AGL: variants seen among roughly 807,000 people sequenced by gnomAD.
AGL encodes amylo-alpha-1,6-glucosidase and 4-alpha-glucanotransferase, also known as glycogen debranching enzyme.
A neutral mutation model predicts 199.3 loss-of-function variants in AGL; 128 were observed. The observed-to-expected ratio is 0.64, with a 90% CI of 0.56 to 0.74. The LOEUF (loss-of-function observed/expected upper bound fraction) is 0.74. AGL is among the 30% of genes least tolerant of loss of function. The pLI is 0.00. For synonymous variants in AGL, 584 were observed against 594.7 expected (o/e 0.98, Z 0.26); for missense variants, 1,809 against 1,820.8 (o/e 0.99, Z 0.12).
chr1:99,851,173 T>A (rs768864238), intron 2 of AGL, 49 bp downstream of exon 2: 1 of 1,456,652 alleles, frequency 6.9e-7, no homozygotes, highest in Non-Finnish European at 9.6e-7. Flanking sequence ...TTTAAACTTT[T>A]AATTCATTGG....
At chr1:99,900,535 G>GA (rs1399407394) in intron 25 of AGL, 101 bp from the exon 26 acceptor site, 2 of 1,069,662 alleles carry the variant, frequency 1.9e-6, no homozygotes, top group African/African-American at 3.1e-5. Flanking sequence ...GGGCAAGAGA[G>GA]AAAACGCATT....
At chr1:99,869,443 A>G (rs758093080) in intron 5 of AGL, among the ~76,000 whole-genome samples, 57 of 152,332 alleles carry the variant, frequency 3.7e-4, no homozygotes, top group Non-Finnish European at 6.8e-4. Context: ...TAAATGAAGC[A>G]CAAACAATTC....
At chr1:99,878,053 TTTTAA>T (rs1413976622) in intron 12 of AGL, among the ~76,000 whole-genome samples, 3 of 152,230 alleles carry the variant, frequency 2.0e-5, no homozygotes, top group Non-Finnish European at 4.4e-5. Context: ...AATTTTAAAA[TTTTAA>T]TTTAGGGAAG....
intron 2 of AGL, among the ~76,000 whole-genome samples, chr1:99,859,412 G>A (rs869278594): frequency 1.4e-3 from 17 of 12,254 alleles, no homozygotes; most frequent in Admixed American, 7.9e-3. Flanking sequence ...CCTTTTTCCC[G>A]TTTGTAGTAG....
Position 99,907,693 on chromosome 1 carries a change from G to GTTTTTTTTTTTTTTTTTTTT in AGL, c.3701-3011_3701-3010insTTTTTTTTTTTTTTTTTTTT, listed in dbSNP as rs71075465. Reference sequence around the variant, plus strand: ...TTTTGTTCGTTTGTTTTTGTTTTTTGTTTTTTTTGCTAGTAGCCATCCTAA... The same window carrying GTTTTTTTTTTTTTTTTTTTT: ...TTTTGTTCGTTTGTTTTTGTTTTTTGTTTTTTTTTTTTTTTTTTTTTTTTTTTTGCTAGTAGCCATCCTAA... On this transcript the variant is annotated intron_variant, in intron 27 of 33. Transcript: ENST00000361915. Among the ~76,000 whole-genome samples the GTTTTTTTTTTTTTTTTTTTT allele has an allele frequency of 6.3e-4, 75 of 118,936 alleles. 7 individuals are homozygous for GTTTTTTTTTTTTTTTTTTTT. Among genetic ancestry groups the GTTTTTTTTTTTTTTTTTTTT allele is most frequent in the East Asian group, 1.4e-3 (5 of 3,680 alleles). 78.0% of individuals were successfully genotyped at this position (118,936 alleles called of 152,430 possible).
At chr1:99,878,294 G>A (rs1192519062) in intron 12 of AGL, among the ~76,000 whole-genome samples, 6 of 151,182 alleles carry the variant, frequency 4.0e-5, no homozygotes, top group Non-Finnish European at 7.4e-5. Context: ...GCAGTGAGCC[G>A]AGATCACACC....
intron 29 of AGL, among the ~76,000 whole-genome samples, chr1:99,913,210 GACGC>G (rs1483726532): frequency 2.9e-4 from 44 of 151,052 alleles, no homozygotes; most frequent in Admixed American, 1.6e-3. Flanking sequence ...GACAATACCA[GACGC>G]TGTCTTAAAA....
At chr1:99,916,523 T>C (rs749152124) in intron 32 of AGL, 26 bp downstream of exon 32, 2 of 1,605,758 alleles carry the variant, frequency 1.2e-6, no homozygotes, top group South Asian at 2.2e-5. Flanking sequence ...ATCTTCTGAG[T>C]TTCAGTTTAA....
At chr1:99,905,880 C>G (rs1423469903) in intron 27 of AGL, among the ~76,000 whole-genome samples, 2 of 152,084 alleles carry the variant, frequency 1.3e-5, no homozygotes, top group African/African-American at 4.8e-5. Flanking sequence ...TGAGCTCAAT[C>G]TCTTTTGTCC....
intron 2 of AGL, among the ~76,000 whole-genome samples, chr1:99,851,480 G>A (rs1375260258): frequency 6.6e-6 from 1 of 152,074 alleles, no homozygotes; most frequent in Non-Finnish European, 1.5e-5. Flanking sequence ...TTTGCTTTGG[G>A]TATGCATGTA....
intron 10 of AGL, 137 bp downstream of exon 10, chr1:99,875,592 G>A: frequency 1.3e-6 from 1 of 799,938 alleles, no homozygotes; most frequent in Non-Finnish European, 2.1e-6. Flanking sequence ...TTTTGATTTG[G>A]ACATAGGCTT....
intron 28 of AGL, among the ~76,000 whole-genome samples, chr1:99,911,936 A>G (rs1654779533): frequency 1.3e-5 from 2 of 152,182 alleles, no homozygotes; most frequent in Non-Finnish European, 2.9e-5. Context: ...TAATTAATAA[A>G]TAAGTTGCCA....
chr1:99,869,269 A>G lies in AGL; in HGVS notation c.665-1131A>G, dbSNP rs1045478684. On this transcript the variant is annotated intron_variant, in intron 5 of 33. Transcript: ENST00000361915. ...TTAATGCAAGTTTTGAGAATTACCA[A>G]TTTAACTTTTATTACAACTTCTCTG... Among the ~76,000 whole-genome samples, 11 of 152,324 alleles carry G rather than the reference A, an allele frequency of 7.2e-5. No individual in the cohort carries two copies. In the East Asian group the frequency reaches 1.9e-3, roughly 27 times the overall value.
chr1:99,884,066 A>G (rs988622111), intron 17 of AGL, 54 bp from the exon 18 acceptor site: 8 of 1,486,474 alleles, frequency 5.4e-6, no homozygotes, highest in Non-Finnish European at 6.6e-6. Flanking sequence ...TAGCCTTCCT[A>G]ATTTTGGATG....
Position 99,923,274 on chromosome 1 carries a change from G to A in AGL, c.*1623G>A, listed in dbSNP as rs1048844034. On this transcript the variant is annotated 3_prime_UTR_variant, in exon 34 of 34. Coordinates refer to ENST00000361915, the MANE Select transcript of AGL (RefSeq NM_000642.3). ...TATATACCCTTCTCTAAACTGTGCGGGTAAAAGGAATGACTGTCCTTGAGA... is the reference window on the plus strand; with the variant it reads ...TATATACCCTTCTCTAAACTGTGCGAGTAAAAGGAATGACTGTCCTTGAGA... 1 of 151,996 alleles carries A rather than the reference G, an allele frequency of 6.6e-6. No homozygotes were observed. Among genetic ancestry groups the A allele is most frequent in the African/African-American group, 2.4e-5 (1 of 41,396 alleles). The allele number at this position is 151,996 out of a possible 1,614,324, so 9.4% of individuals were successfully genotyped here. A position where few individuals can be genotyped will look rare whatever the true frequency, so the allele number is the denominator to read the frequency against.
Position 99,875,433 on chromosome 1 carries a change from A to G in AGL, c.1261A>G (p.Arg421Gly), listed in dbSNP as rs150637770. The G allele has an allele frequency of 2.8e-5, 45 of 1,614,124 alleles. No individual in the cohort carries two copies. In the African/African-American group the frequency reaches 4.3e-4, roughly 15 times the overall value. The change falls in exon 10 of 34, where the codon AGA becomes GGA. Residue 421 changes from arginine (R) to glycine (G), a missense_variant. By Grantham distance (125) the Arg-to-Gly change is moderately radical (BLOSUM62 -2). Transcript: ENST00000361915. ...TGGTCCAAAACTAGGACCTGTCACT[A>G]GAAAGCATCCTTTAGTTACCAGGTG... ...GHGPKLGPVT[R>G]KHPLVTRYFT...
chr1:99,856,964 C>T (rs1649533176), intron 2 of AGL, among the ~76,000 whole-genome samples: 1 of 152,268 alleles, frequency 6.6e-6, no homozygotes, highest in African/African-American at 2.4e-5. Flanking sequence ...GTACACCTCC[C>T]AGACGGGGTG....
At chr1:99,864,864 A>T (rs1209131728) in intron 5 of AGL, among the ~76,000 whole-genome samples, 1 of 152,224 alleles carries the variant, frequency 6.6e-6, no homozygotes, top group African/African-American at 2.4e-5. Context: ...GAACATAATG[A>T]TCACATATTT....
At chr1:99,878,536 C>A (rs1295371933) in intron 12 of AGL, among the ~76,000 whole-genome samples, 4 of 151,862 alleles carry the variant, frequency 2.6e-5, no homozygotes, top group Non-Finnish European at 5.9e-5. Context: ...GTATTAACTT[C>A]TATCTAATAC....
Sources: gnomAD v4.1 joint callset for allele counts (sites outside exome capture counted in the v4.1 genomes callset) on GRCh38, gnomAD v4.1.1 for gene constraint, MANE v1.5 for transcripts, NCBI Gene and HGNC (gene_info 2026-07-23, HGNC 2026-07-21) for gene names.